The following PTPRS variants were observed in gnomAD, a reference collection of about 807,000 sequenced individuals.
The protein encoded by PTPRS is protein tyrosine phosphatase receptor type S, also known as receptor-type tyrosine-protein phosphatase S.
In PTPRS, 63 loss-of-function variants were observed where a neutral mutation model predicts 215.3. The observed-to-expected ratio is 0.29, with a 90% CI of 0.24 to 0.36. The LOEUF (loss-of-function observed/expected upper bound fraction) is 0.36. Ranked by LOEUF, PTPRS falls within the 10% of genes least tolerant of loss-of-function variation. PTPRS has a pLI of 1.00. For synonymous variants in PTPRS, 1,404 were observed against 1,191.4 expected, an observed-to-expected ratio of 1.18 and a Z score of -3.68; for missense variants, 2,258 against 2,825.8, an observed-to-expected ratio of 0.80 and a Z score of 4.56.
chr19:5,275,809 AAAC>A (rs2047314373), intron 2 of PTPRS, among the ~76,000 whole-genome samples: 1 of 151,836 alleles, frequency 6.6e-6, no homozygotes, highest in South Asian at 2.1e-4. Context: ...CCGTCTCAAA[AAAC>A]AAAAACAAAA....
intron 3 of PTPRS, 55 bp from the exon 4 acceptor site, chr19:5,273,638 C>A: frequency 2.5e-6 from 4 of 1,605,738 alleles, no homozygotes; most frequent in Non-Finnish European, 3.4e-6. Flanking sequence ...CAGGAAGGTT[C>A]CTGTCTAGGC....
At position 5,257,480 on chromosome 19, in the gene PTPRS, G is replaced by T. The variant is rs772402332; in HGVS notation, c.706+537C>A. On this transcript the variant is annotated intron_variant, in intron 8 of 37. Coordinates refer to ENST00000262963, the MANE Select transcript of PTPRS (RefSeq NM_002850.4). This position sits in a 1 kb window ranked among gnomAD's most constrained non-coding sequence, Gnocchi z 4.4. ...AAGGCGCCGGGCTCCGGACCAGCTG[G>T]TGGGGGGTGGGAGGGGCAGCCTCGA... 13 of 457,040 alleles carry T rather than the reference G, an allele frequency of 2.8e-5. No homozygotes were observed. Among genetic ancestry groups the T allele is most frequent in the South Asian group, 1.9e-4 (12 of 64,580 alleles). The allele number at this position is 457,040 out of a possible 1,614,324, so 28.3% of individuals were successfully genotyped here. A position where few individuals can be genotyped will look rare whatever the true frequency, so the allele number is the denominator to read the frequency against.
intron 2 of PTPRS, among the ~76,000 whole-genome samples, chr19:5,278,479 T>G (rs1391181499): frequency 6.6e-6 from 1 of 151,934 alleles, no homozygotes; most frequent in Non-Finnish European, 1.5e-5. Context: ...TGATTACTTA[T>G]TTATTTATTT....
In PTPRS at chr19:5,245,810, G is replaced by T. The variant is rs772414987; in HGVS notation, c.954C>A (p.Gly318=). The T allele has an allele frequency of 1.2e-6, 2 of 1,611,456 alleles. No homozygotes were observed. Among genetic ancestry groups the T allele is most frequent in the African/African-American group, 1.3e-5 (1 of 74,854 alleles). Residue 318 remains glycine, a synonymous_variant, in exon 10 of 38, where the codon GGC becomes GGA. Coordinates refer to ENST00000262963, the MANE Select transcript of PTPRS (RefSeq NM_002850.4). ...TGATCTGAGCAACCGCCTCAATGAC[G>T]CCCAGGCTGGACATGGCCACGCAGG... ...NYTCVAMSSL[G]VIEAVAQITV...
chr19:5,294,546 G>A lies in PTPRS; in HGVS notation c.-94-8312C>T, dbSNP rs2049068803. On this transcript the variant is annotated intron_variant, in intron 1 of 37. Transcript: ENST00000262963. The surrounding 1 kb of genome is among the most constrained non-coding windows in gnomAD (Gnocchi z 5.1). ...CGTGGGCTTTGATGGGAGACACACA[G>A]GCGGCTGTGAGAGCCCAGCAGAAAC... 6.6e-6 allele frequency: 1 copy of A among 152,240 alleles called. No homozygotes were observed. The highest frequency in any genetic ancestry group is 6.5e-5 in the Admixed American group (1 of 15,286). 9.4% of individuals were successfully genotyped at this position (152,240 alleles called of 1,614,324 possible).
intron 4 of PTPRS, 83 bp from the exon 5 acceptor site, chr19:5,265,279 G>A: frequency 7.5e-7 from 1 of 1,336,564 alleles, no homozygotes; most frequent in Non-Finnish European, 1.0e-6. Flanking sequence ...GGGACTGCCT[G>A]GCCACGGGTC....
At chr19:5,222,570 G>T in intron 18 of PTPRS, 119 bp downstream of exon 18, 1 of 1,223,332 alleles carries the variant, frequency 8.2e-7, no homozygotes, top group Non-Finnish European at 1.1e-6. Context: ...CTTGCCTTGA[G>T]TGACCACGAG....
Position 5,313,921 on chromosome 19 carries a change from ACTCT to A in PTPRS, c.-95+26739_-95+26742del, listed in dbSNP as rs575470857. ...AGACCAGCCTGGGCAACACAGCAAG[ACTCT>A]CTCTCTCTCTCCACAAATAATAATA... On this transcript the variant is annotated intron_variant, in intron 1 of 37. Transcript: ENST00000262963. Among the ~76,000 whole-genome samples the A allele has an allele frequency of 1.1e-3, 163 of 148,118 alleles. 3 individuals carry two copies. In the South Asian group the frequency reaches 0.031, roughly 28 times the overall value.
chr19:5,258,795 TG>T (rs2045766865), intron 7 of PTPRS, among the ~76,000 whole-genome samples: 3 of 152,230 alleles, frequency 2.0e-5, no homozygotes, highest in Admixed American at 2.0e-4. Context: ...CAAGTATGTT[TG>T]AGATCAAAGC....
rs1037221903 is a variant in PTPRS, at chr19:5,287,795, G to A, written c.-94-1561C>T. Among the ~76,000 whole-genome samples the A allele has an allele frequency of 2.0e-5, 3 of 152,146 alleles. No homozygotes were observed. The highest frequency in any genetic ancestry group is 6.5e-5 in the Admixed American group (1 of 15,288). ...TACATAGTTAGGCCACAGGCATACA[G>A]TCAGACCAGCCACAGAGAACGATGC... On this transcript the variant is annotated intron_variant, in intron 1 of 37. Coordinates refer to ENST00000262963, the MANE Select transcript of PTPRS (RefSeq NM_002850.4). This position sits in a 1 kb window ranked among gnomAD's most constrained non-coding sequence, Gnocchi z 4.8.
chr19:5,243,707 G>A (rs561935754), intron 11 of PTPRS, among the ~76,000 whole-genome samples, 194 bp downstream of exon 11: 11 of 152,132 alleles, frequency 7.2e-5, no homozygotes, highest in Non-Finnish European at 1.0e-4. Context: ...CCTGACCTCC[G>A]GTGACCCGCC....
In PTPRS at chr19:5,206,164, T is replaced by C. The variant is rs1260937955; in HGVS notation, c.*610A>G. 1.5e-5 allele frequency among the ~76,000 whole-genome samples: 2 copies of C among 136,960 alleles called. No individual in the cohort carries two copies. Among genetic ancestry groups the C allele is most frequent in the East Asian group, 2.1e-4 (1 of 4,664 alleles). The allele number at this position is 136,960 out of a possible 152,430, so 89.9% of individuals were successfully genotyped here. ...AAGGACGCTTTCTACAGTGAAAAAA[T>C]AGACTGTCTTTGAACAGAATATGAA... is the stretch of plus-strand genomic sequence containing the variant. On this transcript the variant is annotated 3_prime_UTR_variant, in exon 38 of 38. Coordinates refer to ENST00000262963, the MANE Select transcript of PTPRS (RefSeq NM_002850.4).
chr19:5,319,242 C>T (rs1038673355), intron 1 of PTPRS, among the ~76,000 whole-genome samples: 1 of 151,988 alleles, frequency 6.6e-6, no homozygotes, highest in African/African-American at 2.4e-5. Flanking sequence ...CAAAACCCAT[C>T]ACTACTAAAA....
intron 16 of PTPRS, among the ~76,000 whole-genome samples, chr19:5,226,313 G>A (rs1481281888): frequency 1.3e-5 from 2 of 152,228 alleles, no homozygotes; most frequent in Non-Finnish European, 2.9e-5. Context: ...CTTTGGCACT[G>A]GCCTTCCCCC....
intron 7 of PTPRS, among the ~76,000 whole-genome samples, chr19:5,259,797 T>C (rs1448589868): frequency 6.6e-6 from 1 of 152,046 alleles, no homozygotes; most frequent in Non-Finnish European, 1.5e-5. Flanking sequence ...CCCACAGAAA[T>C]GACATGGACC....
At chr19:5,255,376 C>G (rs1305583744) in intron 9 of PTPRS, among the ~76,000 whole-genome samples, 1 of 152,152 alleles carries the variant, frequency 6.6e-6, no homozygotes, top group Non-Finnish European at 1.5e-5. Flanking sequence ...ATAGCTGGGA[C>G]AGGAACACTG....
At position 5,273,228 on chromosome 19, in the gene PTPRS, T is replaced by C. The variant is rs148762482; in HGVS notation, c.379+214A>G. 9 of 611,742 alleles carry C rather than the reference T, an allele frequency of 1.5e-5. No individual in the cohort carries two copies. The South Asian group carries it at 1.6e-4, about 11-fold the overall frequency. 37.9% of individuals were successfully genotyped at this position (611,742 alleles called of 1,614,324 possible). On this transcript the variant is annotated intron_variant, in intron 4 of 37. Coordinates refer to ENST00000262963, the MANE Select transcript of PTPRS (RefSeq NM_002850.4). ...AGATTATAAATTAGGATGATTCTAG[T>C]CTCTCAATTCCTTTCTTTCTTGCAA... is the stretch of plus-strand genomic sequence containing the variant.
chr19:5,284,647 A>G (rs2048183942), intron 2 of PTPRS, among the ~76,000 whole-genome samples: 1 of 152,066 alleles, frequency 6.6e-6, no homozygotes, highest in Non-Finnish European at 1.5e-5. Flanking sequence ...GGCATTTACT[A>G]AAAAACAGCA....
At chr19:5,298,308 T>C (rs1414330612) in intron 1 of PTPRS, among the ~76,000 whole-genome samples, 2 of 152,082 alleles carry the variant, frequency 1.3e-5, no homozygotes. Flanking sequence ...AAAGCAGGGG[T>C]GACTGCATTG....
Sources: allele counts gnomAD v4.1 joint callset (sites outside exome capture counted in the v4.1 genomes callset), GRCh38; gene constraint gnomAD v4.1.1; non-coding constraint Gnocchi (gnomAD v3.1); transcripts MANE v1.5; gene names NCBI Gene and HGNC (gene_info 2026-07-23, HGNC 2026-07-21).